The following MOK variants were observed in gnomAD, a reference collection of about 807,000 sequenced individuals.
MOK encodes MOK protein kinase.
A neutral mutation model predicts 54.2 loss-of-function variants in MOK; 59 were observed. The observed-to-expected ratio is 1.09, with a 90% CI of 0.88 to 1.35. The LOEUF (loss-of-function observed/expected upper bound fraction) is 1.35. Ranked by LOEUF, MOK falls within the 40% of genes most tolerant of loss-of-function variation. The probability of loss-of-function intolerance (pLI) is 0.00; values close to 1 mark genes in which losing one functional copy is unlikely to be tolerated. For synonymous variants in MOK, 210 were observed against 202.7 expected (o/e 1.04, Z -0.31); for missense variants, 517 against 526.2 (o/e 0.98, Z 0.17).
Position 102,231,681 on chromosome 14 carries a change from T to A in MOK, c.981+26A>T. 3 of 1,600,052 alleles carry A rather than the reference T, an allele frequency of 1.9e-6. No homozygotes were observed. Among genetic ancestry groups the A allele is most frequent in the Non-Finnish European group, 2.6e-6 (3 of 1,169,806 alleles). ...ATCCAGTCCCGGCTGAGCTAGGCAG[T>A]CTCCGGCTCCGATTTCGCTTAGTAC... On this transcript the variant is annotated intron_variant, in intron 10 of 11. Transcript: ENST00000361847. This position sits in a 1 kb window ranked among gnomAD's most constrained non-coding sequence, Gnocchi z 4.4.
chr14:102,304,906 C>G, intron 1 of MOK, 56 bp downstream of exon 1: 1 of 1,528,972 alleles, frequency 6.5e-7, no homozygotes, highest in African/African-American at 1.4e-5. Context: ...CCCCCAGTCC[C>G]TCCCTCCCCC....
chr14:102,218,138 G>A, the MOK span, among the ~76,000 whole-genome samples: 4 of 152,246 alleles, frequency 2.6e-5, no homozygotes, highest in Non-Finnish European at 4.4e-5. Flanking sequence ...GCCCGCCCGC[G>A]TGCCTGCCAT....
chr14:102,258,629 T>C (rs1460269907), intron 4 of MOK, among the ~76,000 whole-genome samples: 1 of 152,194 alleles, frequency 6.6e-6, no homozygotes, highest in Non-Finnish European at 1.5e-5. Flanking sequence ...TGTCCAATTC[T>C]ACCACTCCTC....
chr14:102,231,756 G>T lies in MOK; in HGVS notation c.932C>A (p.Pro311Gln). 1.2e-6 allele frequency: 2 copies of T among 1,612,370 alleles called. No homozygotes were observed. Among genetic ancestry groups the T allele is most frequent in the Non-Finnish European group, 1.7e-6 (2 of 1,179,538 alleles). Residue 311 changes from proline (P) to glutamine (Q), a missense_variant, in exon 10 of 12, where the codon CCG (proline) becomes CAG (glutamine). Transcript: ENST00000361847. This position sits in a 1 kb window ranked among gnomAD's most constrained non-coding sequence, Gnocchi z 4.4. Reference sequence around the variant, plus strand: ...CTGGCAGCTGTTACTGAGTGGTTCCGGTGCCACAGGGTGCTCCGGAAAGCC... The same window carrying T: ...CTGGCAGCTGTTACTGAGTGGTTCCTGTGCCACAGGGTGCTCCGGAAAGCC... ...KAGFPEHPVAPEPLSNSCQIS... is the reference protein window; with the variant it reads ...KAGFPEHPVAQEPLSNSCQIS...
At chr14:102,301,124 G>A (rs1427353792) in intron 1 of MOK, among the ~76,000 whole-genome samples, 1 of 152,050 alleles carries the variant, frequency 6.6e-6, no homozygotes, top group Admixed American at 6.6e-5. Context: ...CTTTTAAGAT[G>A]ACTTCAGCTC....
At chr14:102,239,243 C>G (rs1714088891) in intron 7 of MOK, among the ~76,000 whole-genome samples, 1 of 152,140 alleles carries the variant, frequency 6.6e-6, no homozygotes, top group African/African-American at 2.4e-5. Flanking sequence ...CCTTAACACT[C>G]AGTTGATCAA....
At chr14:102,295,712 T>A (rs187406775) in intron 1 of MOK, among the ~76,000 whole-genome samples, 13 of 152,354 alleles carry the variant, frequency 8.5e-5, no homozygotes, top group Admixed American at 5.9e-4. Flanking sequence ...AATTATGACC[T>A]GAATTACTAA....
Position 102,229,048 on chromosome 14 carries a change from C to G in MOK, c.*241G>C. The G allele has an allele frequency of 2.0e-6, 1 of 502,188 alleles. No homozygotes were observed. Among genetic ancestry groups the G allele is most frequent in the Non-Finnish European group, 3.5e-6 (1 of 287,992 alleles). 31.1% of individuals were successfully genotyped at this position (502,188 alleles called of 1,614,324 possible). Reference sequence around the variant, plus strand: ...AGTATTTCCTGCCCCAAATTCTTAACGAAAATGAAAGAAAACCCTAGAATG... The same window carrying G: ...AGTATTTCCTGCCCCAAATTCTTAAGGAAAATGAAAGAAAACCCTAGAATG... On this transcript the variant is annotated 3_prime_UTR_variant, in exon 12 of 12. Coordinates refer to ENST00000361847, the MANE Select transcript of MOK (RefSeq NM_014226.3).
chr14:102,248,229 C>A (rs1376826956), intron 7 of MOK, among the ~76,000 whole-genome samples: 2 of 152,190 alleles, frequency 1.3e-5, no homozygotes, highest in Non-Finnish European at 2.9e-5. Flanking sequence ...CAACCCTTCT[C>A]CGTGCGGTTC....
intron 2 of MOK, among the ~76,000 whole-genome samples, chr14:102,274,569 T>C: frequency 6.6e-6 from 1 of 151,828 alleles, no homozygotes; most frequent in African/African-American, 2.4e-5. Context: ...TTTTATTTTT[T>C]AATAGAATTG....
downstream of MOK, chr14:102,224,861 A>G: frequency 8.8e-6 from 4 of 453,288 alleles, no homozygotes; most frequent in South Asian, 6.3e-5. Flanking sequence ...GAATGGATGA[A>G]TTAGACACAT....
At chr14:102,244,945 T>A (rs111642359) in intron 7 of MOK, among the ~76,000 whole-genome samples, 13,101 of 151,850 alleles carry the variant, frequency 0.086, 617 homozygotes, top group African/African-American at 0.12. Flanking sequence ...AAACTCAGCC[T>A]CCAACTTAAA....
At chr14:102,242,111 T>A (rs2065767193) in intron 7 of MOK, among the ~76,000 whole-genome samples, 1 of 152,240 alleles carries the variant, frequency 6.6e-6, no homozygotes, top group Admixed American at 6.5e-5. Flanking sequence ...AGACTAATGC[T>A]ACCTGATTGC....
chr14:102,226,128 T>C (rs1337015434), downstream of MOK: 5 of 588,532 alleles, frequency 8.5e-6, no homozygotes, highest in African/African-American at 1.9e-5. This position sits in a 1 kb window ranked among gnomAD's most constrained non-coding sequence, Gnocchi z 4.8. Flanking sequence ...CGTGCACGTC[T>C]GAGTGCCAGA....
At chr14:102,254,347 A>T (rs895890508) in intron 4 of MOK, among the ~76,000 whole-genome samples, 1 of 152,236 alleles carries the variant, frequency 6.6e-6, no homozygotes, top group African/African-American at 2.4e-5. Flanking sequence ...ATTTATCATC[A>T]ATTTTCCAGA....
intron 1 of MOK, among the ~76,000 whole-genome samples, chr14:102,293,701 C>CAAAAAAAAAAAAAAAAAAAAAAAAAA (rs10598736): frequency 3.3e-4 from 18 of 54,582 alleles, no homozygotes; most frequent in African/African-American, 4.0e-4. Context: ...AACTCCATCA[C>CAAAAAAAAAAAAAAAAAAAAAAAAAA]AAAAAAAAAA....
intron 1 of MOK, among the ~76,000 whole-genome samples, chr14:102,298,044 C>G (rs2071650908): frequency 6.6e-6 from 1 of 152,232 alleles, no homozygotes; most frequent in African/African-American, 2.4e-5. Context: ...TGCCCAGTCC[C>G]ATCAACTGCC....
rs1049136049 is a variant in MOK at position 102,269,432 on chromosome 14, G to A, written c.123-3520C>T. Among the ~76,000 whole-genome samples, 15 of 149,078 alleles carry A rather than the reference G, an allele frequency of 1.0e-4. 1 individual carries two copies. Among genetic ancestry groups the A allele is most frequent in the Admixed American group, 6.7e-4 (10 of 14,896 alleles). ...ACCCCCAACCTGAGGTGATCCACCC[G>A]CCTTGGCCTCCCAAAGTGATGAGCC... On this transcript the variant is annotated intron_variant, in intron 2 of 11. Transcript: ENST00000361847.
chr14:102,222,792 G>A (rs201601061), downstream of MOK: 27 of 1,613,740 alleles, frequency 1.7e-5, no homozygotes, highest in East Asian at 1.8e-4. The surrounding 1 kb of genome is among the most constrained non-coding windows in gnomAD (Gnocchi z 4.4). Flanking sequence ...TGCCCGTCCG[G>A]TGTTTTGCTG....
Sources: gnomAD v4.1 joint callset for allele counts (sites outside exome capture counted in the v4.1 genomes callset) on GRCh38, gnomAD v4.1.1 for gene constraint, Gnocchi (gnomAD v3.1) non-coding constraint, MANE v1.5 for transcripts, NCBI Gene and HGNC (gene_info 2026-07-23, HGNC 2026-07-21) for gene names.